Variants in NUP58 observed in about 807,000 individuals in gnomAD.
The protein encoded by NUP58 is nucleoporin p58/p45.
In NUP58, 17 loss-of-function variants were observed where a neutral mutation model predicts 70.1. That is an observed-to-expected ratio of 0.24 (90% CI 0.17 to 0.36). NUP58 has a LOEUF of 0.36. NUP58 is among the 10% of genes least tolerant of loss of function. The probability of loss-of-function intolerance (pLI) is 1.00; values close to 1 mark genes in which losing one functional copy is unlikely to be tolerated. For synonymous variants in NUP58, 275 were observed against 257.6 expected, an observed-to-expected ratio of 1.07 and a Z score of -0.65; for missense variants, 644 against 701.5, an observed-to-expected ratio of 0.92 and a Z score of 0.93.
intron 6 of NUP58, among the ~76,000 whole-genome samples, chr13:25,316,970 AC>A (rs1483429229): frequency 6.6e-6 from 1 of 152,158 alleles, no homozygotes; most frequent in East Asian, 1.9e-4. Flanking sequence ...GTGTGTTTCT[AC>A]TATGGATCTC....
At chr13:25,339,259 T>C (rs2031883427) in intron 15 of NUP58, among the ~76,000 whole-genome samples, 1 of 152,226 alleles carries the variant, frequency 6.6e-6, no homozygotes, top group Non-Finnish European at 1.5e-5. Flanking sequence ...TTGGTAAATA[T>C]GGCTTGTTTT....
At chr13:25,316,588 A>T (rs1249542772) in intron 6 of NUP58, among the ~76,000 whole-genome samples, 1 of 152,184 alleles carries the variant, frequency 6.6e-6, no homozygotes, top group Non-Finnish European at 1.5e-5. Flanking sequence ...ACAAATTTCT[A>T]AACAAAGTTT....
chr13:25,313,061 T>C (rs2030755242), intron 4 of NUP58, 29 bp downstream of exon 4: 1 of 1,603,098 alleles, frequency 6.2e-7, no homozygotes, highest in Non-Finnish European at 8.5e-7. Context: ...CCGTTGCATT[T>C]AATGGTTAAA....
chr13:25,305,351 C>T (rs1020226951), intron 1 of NUP58, among the ~76,000 whole-genome samples: 53 of 151,526 alleles, frequency 3.5e-4, no homozygotes, highest in Non-Finnish European at 2.4e-4. Context: ...GTTGTTTTTT[C>T]GGTAGAGAGA....
Position 25,324,969 on chromosome 13 carries a change from T to TC in NUP58, c.952-20_952-19insC. 2.1e-6 allele frequency: 3 copies of TC among 1,442,270 alleles called. No homozygotes were observed. The highest frequency in any genetic ancestry group is 2.8e-6 in the Non-Finnish European group (3 of 1,058,192). 89.3% of individuals were successfully genotyped at this position (1,442,270 alleles called of 1,614,324 possible). A position where few individuals can be genotyped will look rare whatever the true frequency, so the allele number is the denominator to read the frequency against. On this transcript the variant is annotated intron_variant, in intron 9 of 15. Transcript: ENST00000381736. ...CTTAACTGGCTTTTTTTTTTTTTTT[T>TC]AAATCCTCTGGTATATTAGGAGTTG...
chr13:25,343,644 G>T (rs577431873), downstream of NUP58, among the ~76,000 whole-genome samples: 45 of 151,420 alleles, frequency 3.0e-4, no homozygotes, highest in African/African-American at 1.0e-3. Context: ...TTTAAGTAGA[G>T]ATGTATTTTA....
rs1051689200 is a variant in NUP58, at chr13:25,325,040, C to T, written c.1003C>T (p.Leu335Phe). 2.5e-6 allele frequency: 4 copies of T among 1,610,356 alleles called. No homozygotes were observed. Among genetic ancestry groups the T allele is most frequent in the Non-Finnish European group, 3.4e-6 (4 of 1,178,656 alleles). Residue 335 changes from leucine (L) to phenylalanine (F), a missense_variant, in exon 10 of 16, where the codon CTT (leucine) becomes TTT (phenylalanine). Around this residue, in one of 4 missense-constraint regions of NUP58, gnomAD observed 430 missense variants for 409.2 expected, o/e 1.05. Transcript: ENST00000381736. ...AAGAACCCAGAAGACACCACCTGGA[C>T]TTCAACATGAATATGCAGCTCCTGC... is the stretch of plus-strand genomic sequence containing the variant. The part of the protein sequence containing the change: ...ALRTQKTPPG[L>F]QHEYAAPADY...
At chr13:25,343,927 C>G (rs147568774), downstream of NUP58, among the ~76,000 whole-genome samples, 1 of 151,186 alleles carries the variant, frequency 6.6e-6, no homozygotes, top group Non-Finnish European at 1.5e-5. Context: ...TCAGTTTCTT[C>G]GGGGTTGATT....
At chr13:25,331,660 A>T in intron 13 of NUP58, 102 bp downstream of exon 13, 1 of 1,507,116 alleles carries the variant, frequency 6.6e-7, no homozygotes, top group Non-Finnish European at 8.9e-7. Flanking sequence ...AGAAATTTCT[A>T]TGAGTAGCTG....
rs2031419080 is a variant in NUP58, at chr13:25,326,970, G to A, written c.1086G>A (p.Gln362=). The A allele has an allele frequency of 6.2e-7, 1 of 1,608,086 alleles. No homozygotes were observed. The highest frequency in any genetic ancestry group is 1.1e-5 in the South Asian group (1 of 89,852). ...QFEVQLQQYR[Q]QIEELENHLA... is the part of the protein sequence containing the mutation. ...AGGTACAGCTTCAGCAGTACAGGCA[G>A]CAGATTGAAGAACTAGAAAACCATC... The change falls in exon 11 of 16, where the codon CAG becomes CAA. Residue 362 remains glutamine, a synonymous_variant. Transcript: ENST00000381736.
intron 1 of NUP58, among the ~76,000 whole-genome samples, chr13:25,304,477 A>AC (rs2030191443): frequency 1.3e-5 from 1 of 74,906 alleles, no homozygotes; most frequent in East Asian, 5.1e-4. Context: ...TGTTGTCAAG[A>AC]TTATATATAT....
rs80219648 is a variant in NUP58 at position 25,305,150 on chromosome 13, T to G, written c.108-2656T>G. The stretch of plus-strand genomic sequence containing the variant: ...GTGGGGTTTTTTTTTTTTTTTTTTT[T>G]TTTTTTTTTTTGAGACAGGGCCTTG... On this transcript the variant is annotated intron_variant, in intron 1 of 15. Coordinates refer to ENST00000381736, the MANE Select transcript of NUP58 (RefSeq NM_014089.4). Among the ~76,000 whole-genome samples the G allele has an allele frequency of 1.1e-3, 34 of 31,884 alleles. 1 individual carries two copies. The highest frequency in any genetic ancestry group is 2.3e-3 in the Admixed American group (8 of 3,516). The allele number at this position is 31,884 out of a possible 152,430, so 20.9% of individuals were successfully genotyped here. A position where few individuals can be genotyped will look rare whatever the true frequency, so the allele number is the denominator to read the frequency against.
rs755690742 is a variant in NUP58 at position 25,331,334 on chromosome 13, C to T, written c.1234-23C>T. The T allele has an allele frequency of 8.1e-6, 13 of 1,600,560 alleles. No homozygotes were observed. In the East Asian group the frequency reaches 9.0e-5, roughly 11 times the overall value. On this transcript the variant is annotated intron_variant, in intron 12 of 15. Transcript: ENST00000381736. The stretch of plus-strand genomic sequence containing the variant: ...TAGTCAATGTGAAACTTCATTTAGC[C>T]GTTTTGTTTATTATTCTTTTAGGTT...
Position 25,338,797 on chromosome 13 carries a change from GTGT to G in NUP58, c.1630+71_1630+73del, listed in dbSNP as rs1593202748. The stretch of plus-strand genomic sequence containing the variant: ...TGTAAATTATTTAATTTAAAAGTAT[GTGT>G]TGTTATTTCCAGTAACCCAAAAAGT... On this transcript the variant is annotated intron_variant, in intron 15 of 15. Coordinates refer to ENST00000381736, the MANE Select transcript of NUP58 (RefSeq NM_014089.4). 7.8e-6 allele frequency: 11 copies of G among 1,413,192 alleles called. No homozygotes were observed. In the East Asian group the frequency reaches 1.4e-4, roughly 18 times the overall value. The allele number at this position is 1,413,192 out of a possible 1,614,324, so 87.5% of individuals were successfully genotyped here. A position where few individuals can be genotyped will look rare whatever the true frequency, so the allele number is the denominator to read the frequency against.
chr13:25,326,932 G>T lies in NUP58; in HGVS notation c.1048G>T (p.Val350Phe). Residue 350 changes from valine to phenylalanine, a missense_variant, in exon 11 of 16, where the codon GTT becomes TTT. Val to Phe is a conservative substitution (Grantham distance 50). This residue lies in a region of NUP58 where 430 missense variants were observed against 409.2 expected (regional missense o/e 1.05). Coordinates refer to ENST00000381736, the MANE Select transcript of NUP58 (RefSeq NM_014089.4). ...AAPADYFRILVQQFEVQLQQY... is the reference protein window; with the variant it reads ...AAPADYFRILFQQFEVQLQQY... The stretch of plus-strand genomic sequence containing the variant: ...TTTTTAAAGCTACTTCAGAATCTTG[G>T]TTCAGCAATTTGAGGTACAGCTTCA... 6.3e-7 allele frequency: 1 copy of T among 1,581,352 alleles called. No individual in the cohort carries two copies. Among genetic ancestry groups the T allele is most frequent in the Admixed American group, 1.8e-5 (1 of 54,756 alleles).
chr13:25,301,963 C>G, intron 1 of NUP58, 83 bp downstream of exon 1: 2 of 874,948 alleles, frequency 2.3e-6, no homozygotes, highest in Non-Finnish European at 3.5e-6. Flanking sequence ...CCCATCCTGT[C>G]TCTTCCCTCT....
downstream of NUP58, among the ~76,000 whole-genome samples, chr13:25,343,116 A>G (rs925837290): frequency 2.4e-4 from 36 of 152,148 alleles, no homozygotes; most frequent in African/African-American, 8.4e-4. Context: ...TGGTACACCC[A>G]TCACCTGAGC....
chr13:25,319,180 T>G lies in NUP58; in HGVS notation c.686-146T>G. On this transcript the variant is annotated intron_variant, in intron 6 of 15. Coordinates refer to ENST00000381736, the MANE Select transcript of NUP58 (RefSeq NM_014089.4). ...TTGCTTCTGAGTTCATGATGAGTCA[T>G]GACATCACATGATGTTTATGAGGCA... 4 of 760,534 alleles carry G rather than the reference T, an allele frequency of 5.3e-6. No homozygotes were observed. The Admixed American group carries it at 8.0e-5, about 15-fold the overall frequency. 47.1% of individuals were successfully genotyped at this position (760,534 alleles called of 1,614,324 possible).
intron 1 of NUP58, among the ~76,000 whole-genome samples, chr13:25,304,830 G>A (rs1281266119): frequency 3.3e-5 from 5 of 151,628 alleles, no homozygotes; most frequent in Admixed American, 2.6e-4. Context: ...ACACCCAGCC[G>A]GCAGTAATGT....
Sources: gnomAD v4.1 joint callset for allele counts (sites outside exome capture counted in the v4.1 genomes callset) on GRCh38, gnomAD v4.1.1 for gene constraint, gnomAD v4.1.1 regional missense constraint, MANE v1.5 for transcripts, NCBI Gene and HGNC (gene_info 2026-07-23, HGNC 2026-07-21) for gene names.